The following TBC1D12 variants were observed in gnomAD, a reference collection of about 807,000 sequenced individuals.
TBC1D12 encodes the protein TBC1 domain family member 12, also known as TBC1 domain family, member 12.
Under a neutral mutation model 86.7 loss-of-function variants are expected in TBC1D12, and 56 were observed. That is an observed-to-expected ratio of 0.65 (90% CI 0.52 to 0.81). TBC1D12 has a LOEUF of 0.81. Ranked by LOEUF, TBC1D12 falls within the 30% of genes least tolerant of loss-of-function variation. TBC1D12 has a pLI of 0.00. For synonymous variants in TBC1D12, 421 were observed against 411.7 expected (o/e 1.02, Z -0.27); for missense variants, 1,023 against 1,038.8 (o/e 0.98, Z 0.21).
chr10:94,465,804 A>ATACG (rs1564960561), intron 2 of TBC1D12, among the ~76,000 whole-genome samples: 11 of 151,306 alleles, frequency 7.3e-5, no homozygotes, highest in Admixed American at 2.6e-4. Context: ...GCATACATAC[A>ATACG]TATACGCATA....
chr10:94,508,209 A>T (rs1163781856), intron 7 of TBC1D12, among the ~76,000 whole-genome samples: 1 of 150,332 alleles, frequency 6.7e-6, no homozygotes, highest in Non-Finnish European at 1.5e-5. Context: ...ATAGTAGACC[A>T]TTTAACAGTG....
chr10:94,427,196 CA>C (rs2055158532), intron 1 of TBC1D12, among the ~76,000 whole-genome samples: 1 of 152,194 alleles, frequency 6.6e-6, no homozygotes, highest in South Asian at 2.1e-4. Context: ...CCTCATCAGT[CA>C]TCTTGCCTGT....
intron 1 of TBC1D12, among the ~76,000 whole-genome samples, chr10:94,427,475 A>G (rs763872013): frequency 2.1e-4 from 32 of 152,304 alleles, no homozygotes; most frequent in Non-Finnish European, 4.1e-4. Context: ...AAGACTTTTT[A>G]TAATTACTTT....
At chr10:94,465,871 CACAT>C (rs1456960645) in intron 2 of TBC1D12, among the ~76,000 whole-genome samples, 1 of 150,482 alleles carries the variant, frequency 6.6e-6, no homozygotes, top group Non-Finnish European at 1.5e-5. Context: ...TACATATATA[CACAT>C]ACATGTATGT....
rs767994860 is a variant in TBC1D12, at chr10:94,403,535, G to A, written c.922G>A (p.Ala308Thr). 15 of 1,527,868 alleles carry A rather than the reference G, an allele frequency of 9.8e-6. No individual in the cohort carries two copies. The East Asian group carries it at 2.3e-4, about 23-fold the overall frequency. The allele number at this position is 1,527,868 out of a possible 1,614,324, so 94.6% of individuals were successfully genotyped here. Residue 308 changes from alanine (A) to threonine (T), a missense_variant, in exon 1 of 13, where the codon GCT becomes ACT. Coordinates refer to ENST00000225235, the MANE Select transcript of TBC1D12 (RefSeq NM_015188.2). ...LPAAEQGPAG[A>T]SARARRSGGF... ...CGCCGCGGAGCAGGGTCCTGCGGGG[G>A]CTTCGGCCCGGGCTCGACGGAGTGG...
chr10:94,483,790 C>G (rs2056117058), intron 3 of TBC1D12, among the ~76,000 whole-genome samples: 1 of 151,580 alleles, frequency 6.6e-6, no homozygotes, highest in African/African-American at 2.4e-5. Flanking sequence ...TTGATGTGAT[C>G]TCATTTGTTC....
chr10:94,447,167 T>A (rs1243775277), intron 2 of TBC1D12, among the ~76,000 whole-genome samples: 1 of 151,968 alleles, frequency 6.6e-6, no homozygotes, highest in Non-Finnish European at 1.5e-5. Context: ...CTCAGTTCAC[T>A]TTCCTTTCAC....
chr10:94,501,519 T>C (rs1156931624), intron 6 of TBC1D12: 1 of 154,238 alleles, frequency 6.5e-6, no homozygotes, highest in Admixed American at 6.5e-5. Context: ...TCTTAAACTT[T>C]GGTGGATAGG....
At position 94,427,565 on chromosome 10, in the gene TBC1D12, C is replaced by T. The variant is rs187679388; in HGVS notation, c.972-14331C>T. ...AAAAGATCTCAGCTGGGCATGGTGT[C>T]TCACATCTGTAATCCCAGCACTTTG... On this transcript the variant is annotated intron_variant, in intron 1 of 12. Coordinates refer to ENST00000225235, the MANE Select transcript of TBC1D12 (RefSeq NM_015188.2). Among the ~76,000 whole-genome samples the T allele has an allele frequency of 3.5e-3, 527 of 152,278 alleles. 2 individuals carry two copies. The highest frequency in any genetic ancestry group is 0.012 in the African/African-American group (507 of 41,546).
intron 2 of TBC1D12, among the ~76,000 whole-genome samples, chr10:94,465,655 A>ATAT (rs1554941179): frequency 2.4e-3 from 255 of 106,720 alleles, no homozygotes; most frequent in South Asian, 0.02. Context: ...TAAAAAAAAA[A>ATAT]ATATATATAT....
At chr10:94,468,895 A>G (rs1313999807) in intron 2 of TBC1D12, among the ~76,000 whole-genome samples, 1 of 152,046 alleles carries the variant, frequency 6.6e-6, no homozygotes, top group Admixed American at 6.6e-5. Flanking sequence ...TCTGTTCTCA[A>G]GTTGATTGAT....
intron 8 of TBC1D12, among the ~76,000 whole-genome samples, chr10:94,510,384 G>A (rs2056511978): frequency 6.6e-6 from 1 of 152,122 alleles, no homozygotes; most frequent in Non-Finnish European, 1.5e-5. Flanking sequence ...ATTATAGTTA[G>A]CATAGCATTT....
chr10:94,474,621 C>G (rs1464471281), intron 2 of TBC1D12, 47 bp from the exon 3 acceptor site: 6 of 1,366,270 alleles, frequency 4.4e-6, no homozygotes, highest in Non-Finnish European at 6.3e-6. Context: ...ATAGTACAAA[C>G]TATGTTGGAG....
At chr10:94,471,666 T>G (rs1423397652) in intron 2 of TBC1D12, among the ~76,000 whole-genome samples, 1 of 152,198 alleles carries the variant, frequency 6.6e-6, no homozygotes, top group Non-Finnish European at 1.5e-5. Flanking sequence ...AGTAAGATCT[T>G]TGTCCATCAT....
chr10:94,492,441 A>G (rs951061065), intron 3 of TBC1D12, among the ~76,000 whole-genome samples: 2 of 152,240 alleles, frequency 1.3e-5, no homozygotes, highest in African/African-American at 4.8e-5. Context: ...ACTAAGGGAA[A>G]TGAAAGCAAA....
intron 1 of TBC1D12, among the ~76,000 whole-genome samples, chr10:94,431,786 A>T (rs887114209): frequency 1.3e-5 from 2 of 152,182 alleles, no homozygotes; most frequent in African/African-American, 4.8e-5. Flanking sequence ...TGGCCTCCTA[A>T]CAGGAGAGCA....
At chr10:94,415,734 C>T (rs1045909548) in intron 1 of TBC1D12, among the ~76,000 whole-genome samples, 3 of 151,926 alleles carry the variant, frequency 2.0e-5, no homozygotes, top group African/African-American at 4.8e-5. Context: ...GGCGACAGAG[C>T]GAGACTGTCT....
At chr10:94,464,578 A>T (rs532419007) in intron 2 of TBC1D12, among the ~76,000 whole-genome samples, 1 of 151,894 alleles carries the variant, frequency 6.6e-6, no homozygotes, top group East Asian at 1.9e-4. Context: ...CCATCCTCCC[A>T]CCTCAGCTTC....
intron 3 of TBC1D12, among the ~76,000 whole-genome samples, chr10:94,485,576 C>A (rs12262606): frequency 0.23 from 24,849 of 109,120 alleles, 2,301 homozygotes; most frequent in Middle Eastern, 0.37. Flanking sequence ...GTGTCTTTGT[C>A]TTGTTTGAGT....
Sources: allele counts gnomAD v4.1 joint callset (sites outside exome capture counted in the v4.1 genomes callset), GRCh38; gene constraint gnomAD v4.1.1; transcripts MANE v1.5; gene names NCBI Gene and HGNC (gene_info 2026-07-23, HGNC 2026-07-21).